The following IL1RAPL2 variants were observed in gnomAD, a reference collection of about 807,000 sequenced individuals.
IL1RAPL2 encodes the protein interleukin 1 receptor accessory protein like 2, also known as X-linked interleukin-1 receptor accessory protein-like 2.
In IL1RAPL2, 3 loss-of-function variants were observed where a neutral mutation model predicts 44.1. The observed-to-expected ratio is 0.07, with a 90% CI of 0.03 to 0.18. IL1RAPL2 has a LOEUF of 0.18. Ranked by LOEUF, IL1RAPL2 falls within the 10% of genes least tolerant of loss-of-function variation. The probability of loss-of-function intolerance (pLI) is 1.00; values close to 1 mark genes in which losing one functional copy is unlikely to be tolerated. For missense variants in IL1RAPL2, 391 were observed against 496.4 expected (o/e 0.79, Z 2.02); for synonymous variants, 181 against 178.8 (o/e 1.01, Z -0.10).
At chrX:105,231,777 A>G (rs5962477) in intron 3 of IL1RAPL2, among the ~76,000 whole-genome samples, 19,009 of 111,602 alleles carry the variant, frequency 0.17, 3,206 homozygotes, top group African/African-American at 0.52. Flanking sequence ...TGAGTAAAGG[A>G]GAGAATGTTA....
Position 104,743,379 on chromosome X carries a change from G to A in IL1RAPL2, c.82+84384G>A, listed in dbSNP as rs754269690. On this transcript the variant is annotated intron_variant, in intron 2 of 10. Coordinates refer to ENST00000372582, the MANE Select transcript of IL1RAPL2 (RefSeq NM_017416.2). ...AAGGTAATTGAAATTGGTTTGGAGA[G>A]CCTTTTAAAGACCACTTTTTTCAAG... 4.6e-5 allele frequency among the ~76,000 whole-genome samples: 5 copies of A among 107,942 alleles called. No homozygotes were observed. The South Asian group carries it at 2.0e-3, about 44-fold the overall frequency. The allele number at this position is 107,942 out of a possible 115,157, so 93.7% of individuals were successfully genotyped here.
intron 2 of IL1RAPL2, among the ~76,000 whole-genome samples, chrX:105,123,996 T>A (rs1304679808): frequency 2.7e-5 from 3 of 110,693 alleles, no homozygotes; most frequent in Non-Finnish European, 5.7e-5. Context: ...TAGCAAATTC[T>A]CATCAACTTC....
At chrX:105,666,396 T>C (rs1275414481) in intron 6 of IL1RAPL2, among the ~76,000 whole-genome samples, 2 of 111,016 alleles carry the variant, frequency 1.8e-5, no homozygotes, top group Non-Finnish European at 3.8e-5. Flanking sequence ...GGTAGGTTAG[T>C]GAGGGATTTA....
intron 6 of IL1RAPL2, among the ~76,000 whole-genome samples, chrX:105,553,890 T>C (rs748885060): frequency 2.7e-5 from 3 of 112,899 alleles, no homozygotes; most frequent in Non-Finnish European, 5.6e-5. Context: ...AGGACTGACC[T>C]TACAAATCTA....
intron 5 of IL1RAPL2, among the ~76,000 whole-genome samples, chrX:105,343,366 TA>T (rs2035086158): frequency 8.9e-6 from 1 of 112,422 alleles, no homozygotes; most frequent in Non-Finnish European, 1.9e-5. Flanking sequence ...CTTTTATTAA[TA>T]TTTTGATGTA....
chrX:105,456,241 A>C (rs748580161), intron 5 of IL1RAPL2, among the ~76,000 whole-genome samples: 1 of 112,046 alleles, frequency 8.9e-6, no homozygotes, highest in East Asian at 2.8e-4. Flanking sequence ...GAGATTTTCT[A>C]CATATAAGAC....
At chrX:104,592,193 GTTA>G (rs1249151497) in intron 1 of IL1RAPL2, among the ~76,000 whole-genome samples, 25 of 95,379 alleles carry the variant, frequency 2.6e-4, no homozygotes, top group African/African-American at 9.7e-4. Flanking sequence ...GTGTGTGTGT[GTTA>G]TTGGAGGTAA....
At chrX:104,995,104 C>A (rs1194007884) in intron 2 of IL1RAPL2, among the ~76,000 whole-genome samples, 1 of 111,613 alleles carries the variant, frequency 9.0e-6, no homozygotes. Flanking sequence ...CCCCCACCAT[C>A]ACACTCTGTC....
At position 104,566,955 on chromosome X, in the gene IL1RAPL2, C is replaced by G. The variant is rs755500203; in HGVS notation, c.-116C>G. 8.9e-6 allele frequency: 1 copy of G among 112,980 alleles called. No individual in the cohort carries two copies. The highest frequency in any genetic ancestry group is 1.9e-5 in the Non-Finnish European group (1 of 53,600). 9.3% of individuals were successfully genotyped at this position (112,980 alleles called of 1,213,427 possible). A position where few individuals can be genotyped will look rare whatever the true frequency, so the allele number is the denominator to read the frequency against. On this transcript the variant is annotated 5_prime_UTR_variant, in exon 1 of 11. Coordinates refer to ENST00000372582, the MANE Select transcript of IL1RAPL2 (RefSeq NM_017416.2). Reference sequence around the variant, plus strand: ...TCCGACTGCCTGGGAAGTCCCAGCCCGCGCTCTCCGGAACCCGGCTCGCCG... The same window carrying G: ...TCCGACTGCCTGGGAAGTCCCAGCCGGCGCTCTCCGGAACCCGGCTCGCCG...
Position 105,204,601 on chromosome X carries a change from C to G in IL1RAPL2, c.356+8853C>G, listed in dbSNP as rs1181208181. Among the ~76,000 whole-genome samples, 8 of 112,272 alleles carry G rather than the reference C, an allele frequency of 7.1e-5. No individual in the cohort carries two copies. The Admixed American group carries it at 7.5e-4, about 11-fold the overall frequency. Reference sequence around the variant, plus strand: ...TTAGCAGTTACTAAAGGAGGAATTACTAAGAGTTACTGAACTAGCTAGGAC... The same window carrying G: ...TTAGCAGTTACTAAAGGAGGAATTAGTAAGAGTTACTGAACTAGCTAGGAC... On this transcript the variant is annotated intron_variant, in intron 3 of 10. Transcript: ENST00000372582.
intron 2 of IL1RAPL2, among the ~76,000 whole-genome samples, chrX:105,132,748 T>G (rs2033040086): frequency 8.9e-6 from 1 of 111,786 alleles, no homozygotes; most frequent in African/African-American, 3.2e-5. Flanking sequence ...CAGAAGAGAT[T>G]ATGTTGTTTC....
chrX:104,711,164 G>C (rs1409752188), intron 2 of IL1RAPL2, among the ~76,000 whole-genome samples: 1 of 111,397 alleles, frequency 9.0e-6, no homozygotes, highest in South Asian at 3.7e-4. Context: ...ACAGTAACAT[G>C]CTGTATACAT....
At chrX:104,683,542 T>C (rs964857830) in intron 2 of IL1RAPL2, among the ~76,000 whole-genome samples, 15 of 112,044 alleles carry the variant, frequency 1.3e-4, no homozygotes, top group Non-Finnish European at 2.1e-4. Context: ...TATGCTTCTG[T>C]GAAATATTTT....
intron 2 of IL1RAPL2, among the ~76,000 whole-genome samples, chrX:105,157,002 G>C (rs1421468972): frequency 1.8e-5 from 2 of 108,155 alleles, no homozygotes; most frequent in Admixed American, 1.0e-4. Flanking sequence ...CTTAGGCAAG[G>C]CACTTGGCAT....
intron 2 of IL1RAPL2, among the ~76,000 whole-genome samples, chrX:105,044,158 G>A (rs760103465): frequency 4.5e-5 from 5 of 111,140 alleles, no homozygotes; most frequent in Non-Finnish European, 9.4e-5. Flanking sequence ...AACAGTCTTT[G>A]CATCTGAGAG....
chrX:105,320,047 G>A (rs2034885866), intron 5 of IL1RAPL2, among the ~76,000 whole-genome samples: 1 of 110,856 alleles, frequency 9.0e-6, no homozygotes, highest in African/African-American at 3.3e-5. Flanking sequence ...TAAGGTCAGT[G>A]GTAGATTGGC....
chrX:104,880,025 T>G lies in IL1RAPL2; in HGVS notation c.82+221030T>G, dbSNP rs533363680. Reference sequence around the variant, plus strand: ...GTGAGTTGATTGCTTGGTAATCAAATGATAGTACTTCTCATTTTCTCCTGC... The same window carrying G: ...GTGAGTTGATTGCTTGGTAATCAAAGGATAGTACTTCTCATTTTCTCCTGC... On this transcript the variant is annotated intron_variant, in intron 2 of 10. Transcript: ENST00000372582. Among the ~76,000 whole-genome samples the G allele has an allele frequency of 2.1e-4, 23 of 111,105 alleles. No homozygotes were observed. In the South Asian group the frequency reaches 8.7e-3, roughly 42 times the overall value.
intron 2 of IL1RAPL2, among the ~76,000 whole-genome samples, chrX:104,891,596 G>T (rs1211850796): frequency 9.0e-6 from 1 of 111,692 alleles, no homozygotes; most frequent in African/African-American, 3.3e-5. Context: ...GCTCCTGTTT[G>T]TCCATTATTG....
chrX:105,476,907 A>G (rs892739566), intron 5 of IL1RAPL2, among the ~76,000 whole-genome samples: 1 of 112,130 alleles, frequency 8.9e-6, no homozygotes, highest in African/African-American at 3.2e-5. Flanking sequence ...GCTAACATCA[A>G]TGTGAAGATA....
Sources: gnomAD v4.1 joint callset for allele counts (sites outside exome capture counted in the v4.1 genomes callset) on GRCh38, gnomAD v4.1.1 for gene constraint, MANE v1.5 for transcripts, NCBI Gene and HGNC (gene_info 2026-07-23, HGNC 2026-07-21) for gene names.